The following MIA2 variants were observed in gnomAD, a reference collection of about 807,000 sequenced individuals.
MIA2 encodes melanoma inhibitory activity protein 2.
A neutral mutation model predicts 167.8 loss-of-function variants in MIA2; 127 were observed. The ratio of observed to expected loss-of-function variants is 0.76; its 90% confidence interval spans 0.66 to 0.88. The LOEUF is 0.88. Among genes scored for constraint, MIA2 ranks in the 40% least tolerant of loss-of-function variants. The pLI is 0.00. For synonymous variants in MIA2, 552 were observed against 541.9 expected, an observed-to-expected ratio of 1.02 and a Z score of -0.26; for missense variants, 1,690 against 1,624.7, an observed-to-expected ratio of 1.04 and a Z score of -0.69.
intron 18 of MIA2, among the ~76,000 whole-genome samples, chr14:39,311,928 C>A (rs1595465331): frequency 6.6e-6 from 1 of 151,422 alleles, no homozygotes; most frequent in South Asian, 2.1e-4. Context: ...CTCCTGGGTT[C>A]AAGCAATTCT....
intron 6 of MIA2, chr14:39,267,626 G>A (rs1173580820): frequency 1.5e-6 from 2 of 1,371,966 alleles, no homozygotes; most frequent in South Asian, 1.3e-5. Flanking sequence ...CGTGGTCAGA[G>A]GTCCCGAAGC....
intron 6 of MIA2, chr14:39,265,950 T>C: frequency 1.0e-6 from 1 of 985,196 alleles, no homozygotes; most frequent in Non-Finnish European, 1.2e-6. Flanking sequence ...TTCCTGAAAC[T>C]CCTCAGGCTG....
At chr14:39,288,459 A>ATTTTT (rs1566747774) in intron 9 of MIA2, among the ~76,000 whole-genome samples, 9 of 17,286 alleles carry the variant, frequency 5.2e-4, no homozygotes, top group Admixed American at 8.5e-4. Context: ...ATATATATAT[A>ATTTTT]TATATATATA....
chr14:39,324,795 T>A (rs1199918344), intron 24 of MIA2, among the ~76,000 whole-genome samples: 1 of 151,996 alleles, frequency 6.6e-6, no homozygotes. Context: ...TCAGTAGAGA[T>A]GGGGTTTCAC....
At chr14:39,320,349 A>T (rs1032027425) in intron 23 of MIA2, among the ~76,000 whole-genome samples, 1 of 152,204 alleles carries the variant, frequency 6.6e-6, no homozygotes, top group African/African-American at 2.4e-5. Context: ...TAGATTATAG[A>T]TAAAGTGATT....
intron 23 of MIA2, among the ~76,000 whole-genome samples, chr14:39,320,632 T>C (rs1433622762): frequency 6.6e-6 from 1 of 152,226 alleles, no homozygotes; most frequent in East Asian, 1.9e-4. Context: ...AACTCTAAGA[T>C]ATATCTCCAA....
intron 24 of MIA2, among the ~76,000 whole-genome samples, chr14:39,325,493 G>A (rs1198196886): frequency 3.1e-5 from 4 of 127,674 alleles, no homozygotes; most frequent in Non-Finnish European, 6.7e-5. Context: ...TCAGCCTCCT[G>A]AGTAGCTGGG....
In MIA2 at chr14:39,349,127, T is replaced by C. The variant is rs1015874375; in HGVS notation, c.4072+150T>C. The C allele has an allele frequency of 9.6e-6, 10 of 1,046,598 alleles. No individual in the cohort carries two copies. In the African/African-American group the frequency reaches 9.7e-5, roughly 10 times the overall value. The allele number at this position is 1,046,598 out of a possible 1,614,324, so 64.8% of individuals were successfully genotyped here. ...GAAAATTCTCATTACTTTTCCGAAT[T>C]GGGAAGGCAGCCAGCCATAAGTGGA... On this transcript the variant is annotated intron_variant, in intron 28 of 28. Coordinates refer to ENST00000640607, the MANE Select transcript of MIA2 (RefSeq NM_001329214.4).
chr14:39,281,691 G>A (rs777907257), intron 9 of MIA2, among the ~76,000 whole-genome samples: 26 of 149,490 alleles, frequency 1.7e-4, no homozygotes, highest in South Asian at 4.2e-4. Flanking sequence ...GCGCGACCTC[G>A]GCTCACTGCA....
intron 2 of MIA2, among the ~76,000 whole-genome samples, chr14:39,239,846 G>C (rs1805273359): frequency 6.6e-6 from 1 of 152,174 alleles, no homozygotes; most frequent in African/African-American, 2.4e-5. Flanking sequence ...TTTCCAAATA[G>C]TTATGGCAAC....
At chr14:39,347,868 C>G (rs2073710646) in intron 27 of MIA2, 97 bp downstream of exon 27, 2 of 1,177,726 alleles carry the variant, frequency 1.7e-6, no homozygotes, top group Admixed American at 3.0e-5. Context: ...GTTGCCCAAG[C>G]TGGAGTGCAG....
intron 25 of MIA2, among the ~76,000 whole-genome samples, chr14:39,327,764 C>G (rs987301703): frequency 6.6e-6 from 1 of 152,110 alleles, no homozygotes. Flanking sequence ...TGATGGTTTC[C>G]AGCTTCATCC....
chr14:39,347,843 T>A, intron 27 of MIA2, 72 bp downstream of exon 27: 2 of 1,106,856 alleles, frequency 1.8e-6, no homozygotes, highest in East Asian at 3.0e-5. Flanking sequence ...TTTTTTTTTA[T>A]GGAGTTTCAC....
intron 24 of MIA2, 80 bp downstream of exon 24, chr14:39,321,136 C>A (rs538817637): frequency 1.4e-6 from 2 of 1,409,350 alleles, no homozygotes; most frequent in African/African-American, 1.5e-5. Flanking sequence ...TAAAAATGAT[C>A]TGTAAAATAT....
At chr14:39,303,450 A>G (rs1234711896) in intron 15 of MIA2, 28 bp from the exon 16 acceptor site, 4 of 1,579,456 alleles carry the variant, frequency 2.5e-6, no homozygotes, top group Non-Finnish European at 3.5e-6. Context: ...TTCCCAAATC[A>G]TTGTTGTGCT....
chr14:39,359,540 G>C (rs889760778), intron 23 of MIA2, among the ~76,000 whole-genome samples: 3 of 152,136 alleles, frequency 2.0e-5, no homozygotes, highest in Non-Finnish European at 4.4e-5. Context: ...CTCACACTCT[G>C]TGTGCTGCAC....
At chr14:39,385,536 A>G in intron 23 of MIA2, 1 of 833,208 alleles carries the variant, frequency 1.2e-6, no homozygotes, top group Non-Finnish European at 2.1e-6. Context: ...TTTCATTGTG[A>G]TAAACCAAAT....
exon 24 of MIA2, chr14:39,387,693 T>G (rs1258851352): frequency 1.3e-5 from 2 of 152,166 alleles, no homozygotes; most frequent in African/African-American, 4.8e-5. Context: ...GAAAAAGCTA[T>G]AAAACATCAT....
Position 39,342,378 on chromosome 14 carries a change from A to C in MIA2, c.3656-3526A>C, listed in dbSNP as rs554248192. ...ATGGCTGCATAGTATTCCATGGTGT[A>C]TATGTGCCACATTTTCTTAATCCAG... On this transcript the variant is annotated intron_variant, in intron 25 of 28. Transcript: ENST00000640607. Among the ~76,000 whole-genome samples, 5 of 152,238 alleles carry C rather than the reference A, an allele frequency of 3.3e-5. No individual in the cohort carries two copies. In the East Asian group the frequency reaches 9.7e-4, roughly 29 times the overall value.
Sources: gnomAD v4.1 joint callset for allele counts (sites outside exome capture counted in the v4.1 genomes callset) on GRCh38, gnomAD v4.1.1 for gene constraint, MANE v1.5 for transcripts, NCBI Gene and HGNC (gene_info 2026-07-23, HGNC 2026-07-21) for gene names.